The following TRIM10 variants were observed in gnomAD, a reference collection of about 807,000 sequenced individuals.
TRIM10 encodes tripartite motif containing 10, also known as tripartite motif-containing protein 10.
TRIM10 carries 42 observed loss-of-function variants against 40.0 expected under a neutral mutation model. The observed-to-expected ratio is 1.05, with a 90% CI of 0.82 to 1.36. TRIM10 has a LOEUF of 1.36. Ranked by LOEUF, TRIM10 falls within the 40% of genes most tolerant of loss-of-function variation. The probability of loss-of-function intolerance (pLI) is 0.00; values close to 1 mark genes in which losing one functional copy is unlikely to be tolerated. For missense variants in TRIM10, 601 were observed against 608.3 expected (o/e 0.99, Z 0.13); for synonymous variants, 260 against 239.5 (o/e 1.09, Z -0.79).
chr6:30,161,172 G>T lies in TRIM10; in HGVS notation c.-314C>A, dbSNP rs2157678. Among the ~76,000 whole-genome samples the T allele has an allele frequency of 0.061, 9,358 of 152,244 alleles. 468 individuals carry two copies. Among genetic ancestry groups the T allele is most frequent in the Non-Finnish European group, 0.11 (7,140 of 67,992 alleles). ...TGCCCATCCAGAGACACTCACAGTA[G>T]AAGGAAAGTGGTGATATGTCAGCTG... On this transcript the variant is annotated 5_prime_UTR_variant, in exon 1 of 7. Coordinates refer to ENST00000449742, the MANE Select transcript of TRIM10 (RefSeq NM_006778.4).
At chr6:30,155,580 A>G in intron 6 of TRIM10, 147 bp downstream of exon 6, 1 of 632,946 alleles carries the variant, frequency 1.6e-6, no homozygotes, top group South Asian at 2.1e-5. Context: ...ATGTGTATAT[A>G]TAATATATAT....
At chr6:30,159,012 G>A in intron 2 of TRIM10, 138 bp downstream of exon 2, 2 of 637,328 alleles carry the variant, frequency 3.1e-6, no homozygotes, top group South Asian at 2.0e-5. Flanking sequence ...AGAGTTGCTT[G>A]AGGTCATAGA....
In TRIM10 at chr6:30,157,578, T is replaced by C. The variant is rs574381164; in HGVS notation, c.757-187A>G. Reference sequence around the variant, plus strand: ...ATGGCTCACTGCATACTCAACCTCCTGGGCTCAAGGGATCCTCCTACCTCA... The same window carrying C: ...ATGGCTCACTGCATACTCAACCTCCCGGGCTCAAGGGATCCTCCTACCTCA... On this transcript the variant is annotated intron_variant, in intron 3 of 6. Transcript: ENST00000449742. 6.1e-4 allele frequency among the ~76,000 whole-genome samples: 92 copies of C among 151,858 alleles called. 1 individual carries two copies. The highest frequency in any genetic ancestry group is 2.5e-3 in the East Asian group (13 of 5,164).
chr6:30,153,794 G>T lies in TRIM10; in HGVS notation c.*175C>A, dbSNP rs1440492890. On this transcript the variant is annotated 3_prime_UTR_variant, in exon 7 of 7. Transcript: ENST00000449742. ...CCACTGGGCATTGGGGAAAGGACTT[G>T]ATCAGTAGATTGAGAGTCCTCTCTT... 2 of 1,613,072 alleles carry T rather than the reference G, an allele frequency of 1.2e-6. No homozygotes were observed. Among genetic ancestry groups the T allele is most frequent in the Admixed American group, 1.7e-5 (1 of 60,024 alleles).
At position 30,160,861 on chromosome 6, in the gene TRIM10, T is replaced by G. The variant is rs140822322; in HGVS notation, c.-3A>C. 5,123 of 1,601,612 alleles carry G rather than the reference T, an allele frequency of 3.2e-3. 7 individuals are homozygous for G. Among genetic ancestry groups the G allele is most frequent in the African/African-American group, 8.0e-3 (600 of 74,878 alleles). The stretch of plus-strand genomic sequence containing the variant: ...GTCACAGAGGCAGCAGAGGCCATGC[T>G]GGTCCTGCTGCTATGGCTTCCTCAA... On this transcript the variant is annotated 5_prime_UTR_variant, in exon 1 of 7. Coordinates refer to ENST00000449742, the MANE Select transcript of TRIM10 (RefSeq NM_006778.4).
rs1036279272 is a variant in TRIM10 at position 30,152,979 on chromosome 6, A to T, written c.*990T>A. On this transcript the variant is annotated 3_prime_UTR_variant, in exon 7 of 7. Coordinates refer to ENST00000449742, the MANE Select transcript of TRIM10 (RefSeq NM_006778.4). Reference sequence around the variant, plus strand: ...CCACTATCTCATTTCTTGACCTCAGATGGTAATCAACTGATCAGGAAGACA... The same window carrying T: ...CCACTATCTCATTTCTTGACCTCAGTTGGTAATCAACTGATCAGGAAGACA... 3 of 152,128 alleles carry T rather than the reference A, an allele frequency of 2.0e-5. No individual in the cohort carries two copies. Among genetic ancestry groups the T allele is most frequent in the African/African-American group, 7.2e-5 (3 of 41,416 alleles). 9.4% of individuals were successfully genotyped at this position (152,128 alleles called of 1,614,324 possible).
chr6:30,154,167 G>T lies in TRIM10; in HGVS notation c.1248C>A (p.Gly416=). Residue 416 remains glycine, a synonymous_variant, in exon 7 of 7, where the codon GGC becomes GGA. Coordinates refer to ENST00000449742, the MANE Select transcript of TRIM10 (RefSeq NM_006778.4). ...RLAWGFVSAL[G]SFPTRLTLKE... is the part of the protein sequence containing the mutation. ...TCAGGGTCAGCCGTGTGGGGAAGGA[G>T]CCCAGAGCCGAGACGAAGCCCCAAG... 1 of 1,612,266 alleles carries T rather than the reference G, an allele frequency of 6.2e-7. No individual in the cohort carries two copies. Among genetic ancestry groups the T allele is most frequent in the South Asian group, 1.1e-5 (1 of 91,066 alleles).
Position 30,153,808 on chromosome 6 carries a change from G to C in TRIM10, c.*161C>G. ...GGAAAGGACTTGATCAGTAGATTGAGAGTCCTCTCTTCTATCCCTTACCAC... is the reference window on the plus strand; with the variant it reads ...GGAAAGGACTTGATCAGTAGATTGACAGTCCTCTCTTCTATCCCTTACCAC... On this transcript the variant is annotated 3_prime_UTR_variant, in exon 7 of 7. Transcript: ENST00000449742. The C allele has an allele frequency of 6.2e-7, 1 of 1,612,966 alleles. No individual in the cohort carries two copies. Among genetic ancestry groups the C allele is most frequent in the Non-Finnish European group, 8.5e-7 (1 of 1,179,978 alleles).
chr6:30,154,158 G>C lies in TRIM10; in HGVS notation c.1257C>G (p.Pro419=), dbSNP rs753538758. 4 of 1,612,648 alleles carry C rather than the reference G, an allele frequency of 2.5e-6. No homozygotes were observed. Among genetic ancestry groups the C allele is most frequent in the Non-Finnish European group, 3.4e-6 (4 of 1,179,690 alleles). ...WGFVSALGSF[P]TRLTLKEQPR... ...GCTGCTCCTTCAGGGTCAGCCGTGT[G>C]GGGAAGGAGCCCAGAGCCGAGACGA... Residue 419 remains proline, a synonymous_variant, in exon 7 of 7, where the codon CCC becomes CCG. Coordinates refer to ENST00000449742, the MANE Select transcript of TRIM10 (RefSeq NM_006778.4).
At position 30,154,445 on chromosome 6, in the gene TRIM10, G is replaced by A. The variant is rs1443156657; in HGVS notation, c.970C>T (p.Leu324Phe). Reference protein sequence around the residue: ...LDPQTSHPKLLLSEDHQRAQF... With the variant: ...LDPQTSHPKLFLSEDHQRAQF... ...GCTCGCTGGTGGTCCTCGGACAAGAGGAGCTTGGGGTGGGAAGTCTGAGGG... is the reference window on the plus strand; with the variant it reads ...GCTCGCTGGTGGTCCTCGGACAAGAAGAGCTTGGGGTGGGAAGTCTGAGGG... The change falls in exon 7 of 7, where the codon CTC becomes TTC. Residue 324 changes from leucine to phenylalanine, a missense_variant. By Grantham distance (22) the Leu-to-Phe change is conservative. Transcript: ENST00000449742. 1.9e-6 allele frequency: 3 copies of A among 1,612,722 alleles called. No individual in the cohort carries two copies. Among genetic ancestry groups the A allele is most frequent in the East Asian group, 2.2e-5 (1 of 44,896 alleles).
In TRIM10 at chr6:30,157,015, C is replaced by CTGG. The variant is rs756202216; in HGVS notation, c.818_819insCCA (p.Ser273_Pro274insGln). The CTGG allele has an allele frequency of 1.0e-4, 163 of 1,613,048 alleles. No homozygotes were observed. The African/African-American group carries it at 1.6e-3, about 16-fold the overall frequency. ...CCCGAATCCTCTGGCCCAGCTCTGGCGACACAGCCACCGGTTTCCGGCACT... is the reference window on the plus strand; with the variant it reads ...CCCGAATCCTCTGGCCCAGCTCTGGCTGGGACACAGCCACCGGTTTCCGGCACT... On this transcript the variant is annotated inframe_insertion, in exon 5 of 7. Coordinates refer to ENST00000449742, the MANE Select transcript of TRIM10 (RefSeq NM_006778.4).
chr6:30,158,314 G>A, intron 3 of TRIM10, 85 bp downstream of exon 3: 2 of 1,152,514 alleles, frequency 1.7e-6, no homozygotes, highest in Non-Finnish European at 1.3e-6. Context: ...AGATGTGTGA[G>A]TCAGGGAGAC....
chr6:30,162,190 G>C (rs150362247), upstream of TRIM10, among the ~76,000 whole-genome samples: 116 of 151,682 alleles, frequency 7.6e-4, no homozygotes, highest in African/African-American at 2.7e-3. Flanking sequence ...GCAGGAGAAT[G>C]GTGTGAACCC....
chr6:30,163,781 C>T (rs751575352), upstream of TRIM10: 53 of 1,612,920 alleles, frequency 3.3e-5, no homozygotes, highest in Admixed American at 1.0e-4. Flanking sequence ...TCCCTGTGGA[C>T]ACACCTTCTG....
Position 30,158,634 on chromosome 6 carries a change from G to C in TRIM10, c.526-5C>G. 1 of 1,612,040 alleles carries C rather than the reference G, an allele frequency of 6.2e-7. No individual in the cohort carries two copies. Among genetic ancestry groups the C allele is most frequent in the Non-Finnish European group, 8.5e-7 (1 of 1,179,192 alleles). On this transcript the variant is annotated splice_polypyrimidine_tract_variant and splice_region_variant and intron_variant, in intron 2 of 6. Transcript: ENST00000449742. ...TCTCTTGGTGGACACCTGAGTCTGA[G>C]GGGGCAGGAGGCAAGCCCAAGAGAA... is the stretch of plus-strand genomic sequence containing the variant.
In TRIM10 at chr6:30,158,628, G is replaced by A; in HGVS notation, c.527C>T (p.Thr176Ile). The change falls in exon 3 of 7, where the codon ACT (threonine) becomes ATT (isoleucine). Residue 176 changes from threonine to isoleucine, a missense_variant and splice_region_variant. Physicochemically the swap from Thr to Ile is moderately conservative, Grantham distance 89. Coordinates refer to ENST00000449742, the MANE Select transcript of TRIM10 (RefSeq NM_006778.4). ...RENKRMQVLLTQVSTKRQQVI... is the reference protein window; with the variant it reads ...RENKRMQVLLIQVSTKRQQVI... ...CTGTTGTCTCTTGGTGGACACCTGA[G>A]TCTGAGGGGGCAGGAGGCAAGCCCA... 1.2e-6 allele frequency: 2 copies of A among 1,612,860 alleles called. No homozygotes were observed. Among genetic ancestry groups the A allele is most frequent in the Non-Finnish European group, 1.7e-6 (2 of 1,179,868 alleles).
In TRIM10 at chr6:30,154,461, A is replaced by G. The variant is rs765376853; in HGVS notation, c.954T>C (p.Thr318=). The G allele has an allele frequency of 6.2e-7, 1 of 1,612,312 alleles. No individual in the cohort carries two copies. Among genetic ancestry groups the G allele is most frequent in the Non-Finnish European group, 8.5e-7 (1 of 1,180,000 alleles). Residue 318 remains threonine (T), a synonymous_variant, in exon 7 of 7, where the codon ACT becomes ACC. Coordinates refer to ENST00000449742, the MANE Select transcript of TRIM10 (RefSeq NM_006778.4). ...EPAHISLDPQ[T]SHPKLLLSED... is the part of the protein sequence containing the mutation. ...CGGACAAGAGGAGCTTGGGGTGGGAAGTCTGAGGGTCTAGAGAAATGTGAG... is the reference window on the plus strand; with the variant it reads ...CGGACAAGAGGAGCTTGGGGTGGGAGGTCTGAGGGTCTAGAGAAATGTGAG...
At chr6:30,154,647 T>TA in intron 6 of TRIM10, 161 bp from the exon 7 acceptor site, 1 of 854,064 alleles carries the variant, frequency 1.2e-6, no homozygotes, top group Non-Finnish European at 1.9e-6. Context: ...GGGAACTTGT[T>TA]AGATATACGC....
Position 30,154,284 on chromosome 6 carries a change from G to GC in TRIM10, c.1130dup (p.Ser378GlnfsTer59). The GC allele has an allele frequency of 1.9e-6, 3 of 1,612,770 alleles. No homozygotes were observed. Among genetic ancestry groups the GC allele is most frequent in the Non-Finnish European group, 2.5e-6 (3 of 1,179,758 alleles). On this transcript the variant is annotated frameshift_variant, in exon 7 of 7. Coordinates refer to ENST00000449742, the MANE Select transcript of TRIM10 (RefSeq NM_006778.4). LOFTEE classifies it high-confidence loss of function. ...CGCTCACCACGCCCACGGTGCAGCTGCCCCCATGGGCCAGGTCTATACTCA... is the reference window on the plus strand; with the variant it reads ...CGCTCACCACGCCCACGGTGCAGCTGCCCCCCATGGGCCAGGTCTATACTCA...
Sources: gnomAD v4.1 joint callset for allele counts (sites outside exome capture counted in the v4.1 genomes callset) on GRCh38, gnomAD v4.1.1 for gene constraint, MANE v1.5 for transcripts, NCBI Gene and HGNC (gene_info 2026-07-23, HGNC 2026-07-21) for gene names.